RIN2: variants seen among roughly 807,000 people sequenced by gnomAD.
The protein encoded by RIN2 is RAB5 interacting protein 2.
Under a neutral mutation model 78.0 loss-of-function variants are expected in RIN2, and 36 were observed. The observed-to-expected ratio is 0.46, with a 90% CI of 0.35 to 0.61. The LOEUF is 0.61. RIN2 is among the 20% of genes least tolerant of loss of function. RIN2 has a pLI of 0.00. For synonymous variants in RIN2, 466 were observed against 466.8 expected, an observed-to-expected ratio of 1.00 and a Z score of 0.02; for missense variants, 1,087 against 1,159.7, an observed-to-expected ratio of 0.94 and a Z score of 0.91.
At chr20:19,809,987 A>C (rs1210990153) in intron 2 of RIN2, among the ~76,000 whole-genome samples, 1 of 151,988 alleles carries the variant, frequency 6.6e-6, no homozygotes, top group Non-Finnish European at 1.5e-5. Flanking sequence ...CAGGTGCTGC[A>C]GAAAGAAAAT....
intron 2 of RIN2, among the ~76,000 whole-genome samples, chr20:19,808,408 G>C (rs1006701775): frequency 3.3e-5 from 5 of 152,246 alleles, no homozygotes; most frequent in African/African-American, 9.6e-5. Context: ...GCATGGCCCT[G>C]CTTTGACCAT....
chr20:19,861,015 C>A (rs1292525764), intron 2 of RIN2, among the ~76,000 whole-genome samples: 1 of 152,138 alleles, frequency 6.6e-6, no homozygotes, highest in African/African-American at 2.4e-5. Context: ...TGATAACATT[C>A]GGTCAGGTCT....
chr20:19,990,768 G>A (rs2424252), intron 10 of RIN2, among the ~76,000 whole-genome samples: 50,775 of 151,970 alleles, frequency 0.33, 9,106 homozygotes, highest in East Asian at 0.71. Context: ...AAATGTCAGC[G>A]ATTATCATTA....
At chr20:19,889,875 G>A (rs757558216) in intron 3 of RIN2, among the ~76,000 whole-genome samples, 1 of 152,204 alleles carries the variant, frequency 6.6e-6, no homozygotes, top group Non-Finnish European at 1.5e-5. Flanking sequence ...ACTCGGGCAC[G>A]GAGAGGGGCC....
chr20:19,934,418 T>C (rs1276165489), intron 3 of RIN2: 1 of 946,786 alleles, frequency 1.1e-6, no homozygotes, highest in Non-Finnish European at 1.3e-6. Flanking sequence ...GCCTGAAGGG[T>C]CAGATGCAGG....
chr20:19,922,582 C>A (rs2039968678), intron 3 of RIN2, among the ~76,000 whole-genome samples: 1 of 152,166 alleles, frequency 6.6e-6, no homozygotes, highest in Admixed American at 6.5e-5. Flanking sequence ...GCCTTGAGGT[C>A]CCCCGAGGAG....
At chr20:19,988,578 C>G (rs2042693716) in intron 9 of RIN2, among the ~76,000 whole-genome samples, 2 of 152,142 alleles carry the variant, frequency 1.3e-5, no homozygotes, top group Non-Finnish European at 2.9e-5. Context: ...CTGCTATTGA[C>G]AAAGCAGAGG....
chr20:19,936,383 A>C (rs2040645001), intron 4 of RIN2, among the ~76,000 whole-genome samples: 1 of 150,854 alleles, frequency 6.6e-6, no homozygotes, highest in Non-Finnish European at 1.5e-5. Context: ...CCTCCAGAGT[A>C]GTTTCAAACA....
At chr20:19,812,571 C>T (rs891663463) in intron 2 of RIN2, among the ~76,000 whole-genome samples, 1 of 152,068 alleles carries the variant, frequency 6.6e-6, no homozygotes, top group East Asian at 1.9e-4. Flanking sequence ...TTTCTCCTTC[C>T]TGAGTAGTAA....
chr20:19,762,952 A>G (rs1002475521), intron 1 of RIN2, among the ~76,000 whole-genome samples: 4 of 151,894 alleles, frequency 2.6e-5, no homozygotes, highest in Non-Finnish European at 5.9e-5. Context: ...TTTAGTAGAG[A>G]TGGGGTTTCA....
chr20:19,883,019 T>C, intron 2 of RIN2, among the ~76,000 whole-genome samples: 1 of 152,154 alleles, frequency 6.6e-6, no homozygotes, highest in East Asian at 1.9e-4. Flanking sequence ...GTACTCAGAT[T>C]TTTGACGGCT....
At chr20:19,999,778 G>T (rs73901381) in intron 12 of RIN2, among the ~76,000 whole-genome samples, 1 of 152,130 alleles carries the variant, frequency 6.6e-6, no homozygotes, top group East Asian at 1.9e-4. Flanking sequence ...GCCTGCAAAC[G>T]TCTTTGTTTA....
rs2042264612 is a variant in RIN2 at position 19,975,878 on chromosome 20, C to T, written c.1762+91C>T. The T allele has an allele frequency of 7.9e-7, 1 of 1,270,288 alleles. No individual in the cohort carries two copies. Among genetic ancestry groups the T allele is most frequent in the East Asian group, 2.5e-5 (1 of 39,612 alleles). 78.7% of individuals were successfully genotyped at this position (1,270,288 alleles called of 1,614,324 possible). A position where few individuals can be genotyped will look rare whatever the true frequency, so the allele number is the denominator to read the frequency against. On this transcript the variant is annotated intron_variant, in intron 9 of 12. Coordinates refer to ENST00000255006, the MANE Select transcript of RIN2 (RefSeq NM_018993.4). The surrounding 1 kb of genome is among the most constrained non-coding windows in gnomAD (Gnocchi z 4.9). The stretch of plus-strand genomic sequence containing the variant: ...TTGTTATTTTTTATGAAGTTTACTC[C>T]GAAGTTCAAAACAACACCCAGCTCC...
chr20:19,910,942 A>G (rs1018941621), intron 3 of RIN2, among the ~76,000 whole-genome samples: 42 of 152,302 alleles, frequency 2.8e-4, no homozygotes, highest in African/African-American at 9.9e-4. Context: ...ACGCTTATAT[A>G]TCCATTACCT....
chr20:19,911,627 A>G (rs2039469917), intron 3 of RIN2, among the ~76,000 whole-genome samples: 1 of 152,186 alleles, frequency 6.6e-6, no homozygotes. Flanking sequence ...GAGCTTGTTC[A>G]TTGCTCTGGT....
intron 2 of RIN2, among the ~76,000 whole-genome samples, chr20:19,864,123 A>G (rs750381104): frequency 9.9e-5 from 15 of 152,162 alleles, no homozygotes; most frequent in Non-Finnish European, 1.8e-4. Context: ...GGAGGGATCA[A>G]TTAGAAAAAA....
chr20:19,788,356 G>C (rs1049699984), intron 1 of RIN2, among the ~76,000 whole-genome samples: 1 of 150,176 alleles, frequency 6.7e-6, no homozygotes, highest in Non-Finnish European at 1.5e-5. Flanking sequence ...GCACTTTGGG[G>C]GGCTGAGGCA....
At chr20:19,819,348 C>T (rs1173967586) in intron 2 of RIN2, among the ~76,000 whole-genome samples, 1 of 152,116 alleles carries the variant, frequency 6.6e-6, no homozygotes, top group African/African-American at 2.4e-5. Flanking sequence ...GGCACTAATC[C>T]CATCACAAGC....
At chr20:19,991,568 T>G (rs2042798786) in intron 10 of RIN2, among the ~76,000 whole-genome samples, 1 of 152,206 alleles carries the variant, frequency 6.6e-6, no homozygotes, top group African/African-American at 2.4e-5. Context: ...GACAAAATTA[T>G]CTCCAGTTGA....
Sources: gnomAD v4.1 joint callset for allele counts (sites outside exome capture counted in the v4.1 genomes callset) on GRCh38, gnomAD v4.1.1 for gene constraint, Gnocchi (gnomAD v3.1) non-coding constraint, MANE v1.5 for transcripts, NCBI Gene and HGNC (gene_info 2026-07-23, HGNC 2026-07-21) for gene names.